The following PTPN14 variants were observed in gnomAD, a reference collection of about 807,000 sequenced individuals.
The protein encoded by PTPN14 is protein tyrosine phosphatase non-receptor type 14.
PTPN14 carries 53 observed loss-of-function variants against 126.8 expected under a neutral mutation model. That is an observed-to-expected ratio of 0.42 (90% CI 0.34 to 0.53). PTPN14 has a LOEUF of 0.53. Among genes scored for constraint, PTPN14 ranks in the 20% least tolerant of loss-of-function variants. PTPN14 has a pLI of 0.08. For synonymous variants in PTPN14, 630 were observed against 599.3 expected (o/e 1.05, Z -0.75); for missense variants, 1,257 against 1,552.9 (o/e 0.81, Z 3.20).
In PTPN14 at chr1:214,353,071, ATGCCC is replaced by A. The variant is rs1657735447; in HGVS notation, c.*4846_*4850del. ...TGTGCTCCCTGGCACACATCCTAGA[ATGCCC>A]TGTACCCTCCATCCCCCCAACCCCC... On this transcript the variant is annotated 3_prime_UTR_variant, in exon 19 of 19. Transcript: ENST00000366956. The A allele has an allele frequency of 1.3e-5, 2 of 152,268 alleles. No individual in the cohort carries two copies. The highest frequency in any genetic ancestry group is 4.2e-4 in the South Asian group (2 of 4,810). The allele number at this position is 152,268 out of a possible 1,614,324, so 9.4% of individuals were successfully genotyped here.
chr1:214,498,757 A>T (rs2102427723), intron 1 of PTPN14, among the ~76,000 whole-genome samples: 1 of 152,296 alleles, frequency 6.6e-6, no homozygotes, highest in East Asian at 1.9e-4. Flanking sequence ...TATAAATTAA[A>T]ATTTAAAATA....
At chr1:214,408,350 C>T (rs998855475) in intron 5 of PTPN14, among the ~76,000 whole-genome samples, 1 of 152,142 alleles carries the variant, frequency 6.6e-6, no homozygotes, top group Non-Finnish European at 1.5e-5. Flanking sequence ...TAGAGCTGTT[C>T]CCTAAAATGG....
At chr1:214,414,536 TTAAG>T in intron 4 of PTPN14, 89 bp downstream of exon 4, 1 of 1,144,348 alleles carries the variant, frequency 8.7e-7, no homozygotes, top group Non-Finnish European at 1.3e-6. Flanking sequence ...AAGGGATCAT[TTAAG>T]TAAATCTAAC....
intron 1 of PTPN14, among the ~76,000 whole-genome samples, chr1:214,493,900 A>T (rs1235030099): frequency 6.6e-6 from 1 of 152,210 alleles, no homozygotes; most frequent in African/African-American, 2.4e-5. Flanking sequence ...CTTAAAATTT[A>T]AAAAATTTAA....
At chr1:214,358,154 G>T in intron 18 of PTPN14, 104 bp from the exon 19 acceptor site, 1 of 1,401,978 alleles carries the variant, frequency 7.1e-7, no homozygotes, top group South Asian at 1.5e-5. Flanking sequence ...CCCATGTCCA[G>T]GTACAAGAGA....
chr1:214,399,159 A>C (rs898833254), intron 7 of PTPN14, among the ~76,000 whole-genome samples: 1 of 152,186 alleles, frequency 6.6e-6, no homozygotes, highest in Non-Finnish European at 1.5e-5. Context: ...CACAATATAC[A>C]CGTTATTTCA....
Position 214,386,839 on chromosome 1 carries a change from G to A in PTPN14, c.1066+5C>T, listed in dbSNP as rs751132031. The A allele has an allele frequency of 6.3e-7, 1 of 1,585,064 alleles. No homozygotes were observed. The highest frequency in any genetic ancestry group is 1.3e-5 in the African/African-American group (1 of 74,246). On this transcript the variant is annotated splice_donor_5th_base_variant and intron_variant, in intron 12 of 18. Transcript: ENST00000366956. ...TAAGAAGGGAGAACGGCAAGCCAGA[G>A]TTACCTTGCGAGGTGTGCGTTTCCG...
At chr1:214,520,487 G>A (rs2102456244) in intron 1 of PTPN14, among the ~76,000 whole-genome samples, 1 of 152,212 alleles carries the variant, frequency 6.6e-6, no homozygotes, top group South Asian at 2.1e-4. Context: ...AGAATTTTCA[G>A]CAAAACAGAA....
chr1:214,423,560 T>G (rs1040858677), intron 3 of PTPN14, among the ~76,000 whole-genome samples: 1 of 152,182 alleles, frequency 6.6e-6, no homozygotes, highest in Admixed American at 6.5e-5. Flanking sequence ...TACTGGCCAG[T>G]CTAAATTTTG....
At chr1:214,429,711 G>A (rs1002351977) in intron 3 of PTPN14, among the ~76,000 whole-genome samples, 12 of 152,072 alleles carry the variant, frequency 7.9e-5, no homozygotes, top group Non-Finnish European at 1.8e-4. Flanking sequence ...GCCCAAAATG[G>A]GCTGTCCAAG....
rs115465326 is a variant in PTPN14, at chr1:214,385,971, A to G, written c.1066+873T>C. On this transcript the variant is annotated intron_variant, in intron 12 of 18. Transcript: ENST00000366956. ...TCATGCTCACACTTTCAGACAGCAG[A>G]GGATTCAAAATGGCCAGGAGTTGAT... Among the ~76,000 whole-genome samples the G allele has an allele frequency of 5.1e-3, 776 of 152,364 alleles. 5 individuals carry two copies. Among genetic ancestry groups the G allele is most frequent in the Admixed American group, 9.3e-3 (143 of 15,310 alleles).
intron 3 of PTPN14, among the ~76,000 whole-genome samples, chr1:214,416,820 T>C (rs1428369276): frequency 3.9e-5 from 6 of 152,222 alleles, no homozygotes; most frequent in Non-Finnish European, 8.8e-5. Flanking sequence ...TTATAAAATA[T>C]TATAATTCTA....
intron 1 of PTPN14, among the ~76,000 whole-genome samples, chr1:214,503,224 A>G (rs1177924446): frequency 6.6e-6 from 1 of 152,264 alleles, no homozygotes; most frequent in Non-Finnish European, 1.5e-5. Context: ...CACTATTCTA[A>G]GTACTTTACA....
intron 5 of PTPN14, among the ~76,000 whole-genome samples, chr1:214,406,118 C>T (rs1659164223): frequency 1.3e-5 from 2 of 152,248 alleles, no homozygotes; most frequent in South Asian, 4.1e-4. Context: ...TTTGGGATGA[C>T]GAAAGTGTTC....
rs138777218 is a variant in PTPN14, at chr1:214,506,253, T to C, written c.-154-41296A>G. On this transcript the variant is annotated intron_variant, in intron 1 of 18. Coordinates refer to ENST00000366956, the MANE Select transcript of PTPN14 (RefSeq NM_005401.5). The stretch of plus-strand genomic sequence containing the variant: ...GCACGGTGGCTCACACCCTGTAACC[T>C]CAATGCTATGGGAGGCCACAGTGGG... Among the ~76,000 whole-genome samples the C allele has an allele frequency of 3.9e-3, 590 of 152,164 alleles. 8 individuals carry two copies. Among genetic ancestry groups the C allele is most frequent in the African/African-American group, 0.013 (520 of 41,494 alleles).
At chr1:214,427,276 CAAAAAAAAAAA>C (rs5741915) in intron 3 of PTPN14, among the ~76,000 whole-genome samples, 23 of 65,204 alleles carry the variant, frequency 3.5e-4, no homozygotes, top group African/African-American at 9.1e-4. Context: ...GTCTCCATCT[CAAAAAAAAAAA>C]AAAAAAAAAA....
chr1:214,369,712 A>G (rs751069971), intron 16 of PTPN14, 21 bp from the exon 17 acceptor site: 4 of 1,599,330 alleles, frequency 2.5e-6, no homozygotes, highest in South Asian at 1.1e-5. Flanking sequence ...TATAAAAGCA[A>G]AATTGGAAAT....
intron 5 of PTPN14, among the ~76,000 whole-genome samples, chr1:214,404,038 C>G (rs890469854): frequency 6.6e-6 from 1 of 152,130 alleles, no homozygotes; most frequent in African/African-American, 2.4e-5. Flanking sequence ...GAAATCATAC[C>G]AAACGCCCCA....
At chr1:214,495,385 C>T (rs1306188930) in intron 1 of PTPN14, among the ~76,000 whole-genome samples, 1 of 152,106 alleles carries the variant, frequency 6.6e-6, no homozygotes, top group Non-Finnish European at 1.5e-5. Context: ...AGTAGGGGGA[C>T]AGTGGTTTAA....
Sources: allele counts gnomAD v4.1 joint callset (sites outside exome capture counted in the v4.1 genomes callset), GRCh38; gene constraint gnomAD v4.1.1; transcripts MANE v1.5; gene names NCBI Gene and HGNC (gene_info 2026-07-23, HGNC 2026-07-21).